TRAPPC9: variants seen among roughly 807,000 people sequenced by gnomAD.
TRAPPC9 encodes trafficking protein particle complex subunit 9.
Under a neutral mutation model 124.0 loss-of-function variants are expected in TRAPPC9, and 83 were observed. That is an observed-to-expected ratio of 0.67 (90% confidence interval 0.56 to 0.80). TRAPPC9 has a LOEUF of 0.80. TRAPPC9 is among the 30% of genes least tolerant of loss of function. TRAPPC9 has a pLI of 0.00. For synonymous variants in TRAPPC9, 638 were observed against 617.5 expected (o/e 1.03, Z -0.49); for missense variants, 1,302 against 1,508.3 (o/e 0.86, Z 2.27).
chr8:140,243,659 C>T (rs972248626), intron 16 of TRAPPC9, among the ~76,000 whole-genome samples: 3 of 152,238 alleles, frequency 2.0e-5, no homozygotes, highest in Admixed American at 2.0e-4. Flanking sequence ...AGGTTTGCCG[C>T]CCACTCTCTA....
chr8:140,213,067 T>C (rs2063101574), intron 17 of TRAPPC9, among the ~76,000 whole-genome samples: 1 of 112,762 alleles, frequency 8.9e-6, no homozygotes. Context: ...CAAGACTCTG[T>C]CTCAAAAAAA....
chr8:140,144,897 G>A (rs1421059010), intron 17 of TRAPPC9, among the ~76,000 whole-genome samples: 1 of 151,326 alleles, frequency 6.6e-6, no homozygotes, highest in East Asian at 1.9e-4. Context: ...TTTCTGAGAT[G>A]GAGTCTCATT....
intron 18 of TRAPPC9, among the ~76,000 whole-genome samples, chr8:140,017,069 G>C (rs1230212023): frequency 6.6e-6 from 1 of 152,096 alleles, no homozygotes; most frequent in African/African-American, 2.4e-5. Flanking sequence ...GGAGATAACA[G>C]GTCATTTGAG....
At chr8:139,947,894 GTATA>G (rs55645825) in intron 19 of TRAPPC9, among the ~76,000 whole-genome samples, 2 of 65,842 alleles carry the variant, frequency 3.0e-5, no homozygotes, top group African/African-American at 5.8e-5. Context: ...AAATATGTGT[GTATA>G]TATATATATA....
At chr8:140,130,979 G>A (rs536128356) in intron 17 of TRAPPC9, among the ~76,000 whole-genome samples, 8 of 152,144 alleles carry the variant, frequency 5.3e-5, no homozygotes, top group South Asian at 4.2e-4. Context: ...AATTCCATAC[G>A]CAGACTTCCA....
At chr8:139,932,386 G>A (rs1486855475) in intron 19 of TRAPPC9, 7 of 457,796 alleles carry the variant, frequency 1.5e-5, no homozygotes, top group East Asian at 6.9e-5. Context: ...TCAGAAGCAC[G>A]CTGGACCACC....
Position 140,249,851 on chromosome 8 carries a change from G to A in TRAPPC9, c.2431+2926C>T, listed in dbSNP as rs565763528. Among the ~76,000 whole-genome samples, 86 of 151,856 alleles carry A rather than the reference G, an allele frequency of 5.7e-4. 1 individual carries two copies. Among genetic ancestry groups the A allele is most frequent in the African/African-American group, 1.7e-3 (69 of 41,446 alleles). Reference sequence around the variant, plus strand: ...TCTCAATCTCCTGACCTCGTGATCCGCCCACCTCGGCCTCCCAAAGTGCTG... The same window carrying A: ...TCTCAATCTCCTGACCTCGTGATCCACCCACCTCGGCCTCCCAAAGTGCTG... On this transcript the variant is annotated intron_variant, in intron 16 of 22. Transcript: ENST00000438773.
chr8:139,915,033 T>C (rs904094238), intron 19 of TRAPPC9: 4 of 152,242 alleles, frequency 2.6e-5, no homozygotes, highest in African/African-American at 9.6e-5. Flanking sequence ...AATCATTATC[T>C]TTGGAAACTG....
chr8:140,345,982 G>A (rs114417247), intron 9 of TRAPPC9, among the ~76,000 whole-genome samples: 1 of 152,326 alleles, frequency 6.6e-6, no homozygotes, highest in African/African-American at 2.4e-5. Flanking sequence ...GGGAAGGCTG[G>A]ACACAGCCCT....
chr8:139,964,040 T>C (rs1729484640), intron 19 of TRAPPC9, among the ~76,000 whole-genome samples: 1 of 151,956 alleles, frequency 6.6e-6, no homozygotes, highest in African/African-American at 2.4e-5. Context: ...CTGGCTAACA[T>C]GGTGAAACCT....
intron 19 of TRAPPC9, among the ~76,000 whole-genome samples, chr8:139,976,497 TA>T (rs1426168584): frequency 1.3e-5 from 2 of 152,196 alleles, no homozygotes; most frequent in Non-Finnish European, 2.9e-5. Flanking sequence ...GAAGTATCTC[TA>T]AACCAGGCAT....
At chr8:139,902,174 G>T (rs1436958494) in intron 20 of TRAPPC9, among the ~76,000 whole-genome samples, 1 of 152,200 alleles carries the variant, frequency 6.6e-6, no homozygotes, top group South Asian at 2.1e-4. Flanking sequence ...TGATGCTGTG[G>T]ATGCCGGGGA....
Position 139,936,323 on chromosome 8 carries a change from C to T in TRAPPC9, c.2811-26023G>A, listed in dbSNP as rs555470667. 1.9e-3 allele frequency among the ~76,000 whole-genome samples: 285 copies of T among 152,382 alleles called. 2 individuals are homozygous for T. Among genetic ancestry groups the T allele is most frequent in the Non-Finnish European group, 3.0e-3 (206 of 68,042 alleles). On this transcript the variant is annotated intron_variant, in intron 19 of 22. Transcript: ENST00000438773. ...AGGCAGTGCGCTTCTTCATTCATAACATGCATGCTGAGTGCCAGCTCTGCC... is the reference window on the plus strand; with the variant it reads ...AGGCAGTGCGCTTCTTCATTCATAATATGCATGCTGAGTGCCAGCTCTGCC...
At chr8:140,111,897 T>A (rs2060782718) in intron 17 of TRAPPC9, among the ~76,000 whole-genome samples, 1 of 152,268 alleles carries the variant, frequency 6.6e-6, no homozygotes, top group Non-Finnish European at 1.5e-5. Context: ...TCTCCCTGTA[T>A]GCGCCAGCAC....
intron 19 of TRAPPC9, among the ~76,000 whole-genome samples, chr8:139,960,568 C>T (rs533431040): frequency 4.4e-4 from 67 of 152,340 alleles, no homozygotes; most frequent in Non-Finnish European, 6.8e-4. Context: ...CAGGCCACAC[C>T]GCCCCACGGC....
chr8:140,017,785 C>A (rs1839561858), intron 18 of TRAPPC9, among the ~76,000 whole-genome samples: 1 of 152,166 alleles, frequency 6.6e-6, no homozygotes, highest in East Asian at 1.9e-4. Flanking sequence ...ATTCAACTTA[C>A]AATCAGTTCG....
intron 17 of TRAPPC9, among the ~76,000 whole-genome samples, chr8:140,070,548 G>A (rs934698650): frequency 6.6e-6 from 1 of 152,170 alleles, no homozygotes; most frequent in African/African-American, 2.4e-5. Flanking sequence ...GAGGAAAAAT[G>A]ATGAGAAAAA....
At chr8:140,239,006 T>G (rs977593551) in intron 16 of TRAPPC9, among the ~76,000 whole-genome samples, 4 of 151,578 alleles carry the variant, frequency 2.6e-5, no homozygotes, top group Non-Finnish European at 5.9e-5. Flanking sequence ...GCTGCAGACA[T>G]AGGGGCTTCC....
At chr8:140,381,612 G>A (rs565465473) in intron 7 of TRAPPC9, among the ~76,000 whole-genome samples, 1 of 138,474 alleles carries the variant, frequency 7.2e-6, no homozygotes, top group East Asian at 2.4e-4. Flanking sequence ...AGGCTGCAGT[G>A]AGTCGAGATT....
Sources: allele counts gnomAD v4.1 joint callset (sites outside exome capture counted in the v4.1 genomes callset), GRCh38; gene constraint gnomAD v4.1.1; transcripts MANE v1.5; gene names NCBI Gene and HGNC (gene_info 2026-07-23, HGNC 2026-07-21).